ASTN2: variants seen among roughly 807,000 people sequenced by gnomAD.
ASTN2 encodes astrotactin-2.
ASTN2 carries 54 observed loss-of-function variants against 139.8 expected under a neutral mutation model. The observed-to-expected ratio is 0.39, with a 90% confidence interval of 0.31 to 0.48. The LOEUF (loss-of-function observed/expected upper bound fraction) is 0.48, where lower values mean the gene tolerates loss of function less well. ASTN2 is among the 20% of genes least tolerant of loss of function. ASTN2 has a pLI of 0.95. For synonymous variants in ASTN2, 756 were observed against 719.5 expected (o/e 1.05, Z -0.81); for missense variants, 1,565 against 1,725.1 (o/e 0.91, Z 1.64).
At position 117,291,316 on chromosome 9, in the gene ASTN2, C is replaced by T. The variant is rs756501279; in HGVS notation, c.630+10G>A. 2 of 1,613,830 alleles carry T rather than the reference C, an allele frequency of 1.2e-6. No homozygotes were observed. Among genetic ancestry groups the T allele is most frequent in the East Asian group, 2.2e-5 (1 of 44,836 alleles). On this transcript the variant is annotated intron_variant, in intron 2 of 22. Transcript: ENST00000313400. ...ATCCCCGACCCCGGTCACATCCCCC[C>T]ATCACTCACCATCACAGAAATGTGG...
intron 5 of ASTN2, among the ~76,000 whole-genome samples, chr9:117,058,046 G>A (rs1036644347): frequency 1.3e-5 from 2 of 152,162 alleles, no homozygotes; most frequent in Non-Finnish European, 2.9e-5. Context: ...ATTTAGCAAA[G>A]TATTATAACC....
chr9:117,306,370 G>A (rs1834998579), intron 1 of ASTN2, among the ~76,000 whole-genome samples: 2 of 152,152 alleles, frequency 1.3e-5, no homozygotes, highest in African/African-American at 4.8e-5. Flanking sequence ...AGGTTACATA[G>A]CAAGTCAGGG....
chr9:117,194,070 A>G (rs2132975428), intron 3 of ASTN2, among the ~76,000 whole-genome samples: 1 of 152,346 alleles, frequency 6.6e-6, no homozygotes, highest in African/African-American at 2.4e-5. Flanking sequence ...AGCACATTTC[A>G]TAAGAGCAAA....
chr9:116,630,054 G>T (rs1411423402), intron 17 of ASTN2, among the ~76,000 whole-genome samples: 1 of 152,098 alleles, frequency 6.6e-6, no homozygotes, highest in Admixed American at 6.6e-5. Flanking sequence ...AAAAATAACA[G>T]TGAGCATTTT....
At chr9:116,534,325 T>C (rs557061564) in intron 19 of ASTN2, among the ~76,000 whole-genome samples, 5 of 152,336 alleles carry the variant, frequency 3.3e-5, no homozygotes, top group South Asian at 4.1e-4. Flanking sequence ...CCTGGATTCA[T>C]TGATTTTTCG....
At chr9:117,384,848 G>A (rs1306234814) in intron 1 of ASTN2, among the ~76,000 whole-genome samples, 2 of 152,176 alleles carry the variant, frequency 1.3e-5, no homozygotes, top group African/African-American at 4.8e-5. Context: ...TTGGATGAAG[G>A]GGTGGAAGGG....
chr9:116,992,289 C>A (rs914596748), intron 7 of ASTN2, among the ~76,000 whole-genome samples: 4 of 152,154 alleles, frequency 2.6e-5, no homozygotes, highest in African/African-American at 9.7e-5. Flanking sequence ...TAGAAGGAAG[C>A]CTTGGGCCAG....
intron 16 of ASTN2, among the ~76,000 whole-genome samples, chr9:116,702,857 G>A (rs1366970852): frequency 1.3e-5 from 2 of 152,122 alleles, no homozygotes; most frequent in South Asian, 2.1e-4. Flanking sequence ...TGTACACTCC[G>A]GACTTGAGTC....
At chr9:117,016,619 T>TA (rs1564385801) in intron 6 of ASTN2, among the ~76,000 whole-genome samples, 1 of 3,244 alleles carries the variant, frequency 3.1e-4, no homozygotes, top group Non-Finnish European at 6.8e-4. Context: ...TCTATATCTA[T>TA]CTATCTATAT....
At chr9:116,829,373 C>G (rs1468773768) in intron 11 of ASTN2, among the ~76,000 whole-genome samples, 1 of 151,364 alleles carries the variant, frequency 6.6e-6, no homozygotes, top group African/African-American at 2.4e-5. Context: ...ACCAAATGAT[C>G]TTTGACAAAG....
intron 10 of ASTN2, among the ~76,000 whole-genome samples, chr9:116,935,813 C>T (rs552047311): frequency 1.1e-4 from 17 of 152,202 alleles, no homozygotes; most frequent in Middle Eastern, 3.4e-3. Flanking sequence ...TTGTTTAGTA[C>T]GATTTATGTT....
Position 117,055,832 on chromosome 9 carries a change from A to G in ASTN2, c.1277-15867T>C, listed in dbSNP as rs530125446. Among the ~76,000 whole-genome samples, 14 of 152,354 alleles carry G rather than the reference A, an allele frequency of 9.2e-5. No individual in the cohort carries two copies. In the East Asian group the frequency reaches 1.9e-3, roughly 21 times the overall value. On this transcript the variant is annotated intron_variant, in intron 5 of 22. Coordinates refer to ENST00000313400, the MANE Select transcript of ASTN2 (RefSeq NM_001365068.1). ...CTTCCTGGTATCCTTGTCCTTGTGT[A>G]AACCCTAGTGACTTGCATATATCCA...
chr9:117,293,124 A>G (rs1834636639), intron 1 of ASTN2, among the ~76,000 whole-genome samples: 1 of 152,118 alleles, frequency 6.6e-6, no homozygotes, highest in African/African-American at 2.4e-5. Context: ...ACAAACCATG[A>G]GCCATCCTTG....
chr9:117,145,732 C>T (rs1382263359), intron 3 of ASTN2, among the ~76,000 whole-genome samples: 1 of 152,170 alleles, frequency 6.6e-6, no homozygotes, highest in African/African-American at 2.4e-5. Context: ...TAAATAGCCA[C>T]TTCATTGAAT....
At chr9:116,795,849 A>G (rs1012938197) in intron 13 of ASTN2, among the ~76,000 whole-genome samples, 12 of 152,326 alleles carry the variant, frequency 7.9e-5, no homozygotes, top group Admixed American at 3.9e-4. Flanking sequence ...AAAGCTCTTC[A>G]GGGTTATTTT....
chr9:116,733,652 G>T, intron 13 of ASTN2, 129 bp from the exon 14 acceptor site: 1 of 1,211,324 alleles, frequency 8.3e-7, no homozygotes. Flanking sequence ...TAATGCCTCT[G>T]GTTTCCTGAA....
At chr9:116,563,135 G>A (rs1588006877) in intron 19 of ASTN2, among the ~76,000 whole-genome samples, 1 of 152,204 alleles carries the variant, frequency 6.6e-6, no homozygotes, top group South Asian at 2.1e-4. Context: ...CAGCACTTTG[G>A]GAGGCCGAGG....
intron 1 of ASTN2, among the ~76,000 whole-genome samples, chr9:117,322,180 C>T (rs1384171629): frequency 2.0e-5 from 3 of 152,096 alleles, no homozygotes; most frequent in African/African-American, 7.2e-5. Flanking sequence ...GAGATAGACC[C>T]CTCCTCTGTT....
chr9:116,898,813 C>T (rs553260075), intron 10 of ASTN2, among the ~76,000 whole-genome samples: 89 of 152,258 alleles, frequency 5.8e-4, no homozygotes, highest in African/African-American at 1.9e-3. Context: ...AGACTAAAGG[C>T]ATGTGCCACC....
Sources: gnomAD v4.1 joint callset for allele counts (sites outside exome capture counted in the v4.1 genomes callset) on GRCh38, gnomAD v4.1.1 for gene constraint, MANE v1.5 for transcripts, NCBI Gene and HGNC (gene_info 2026-07-23, HGNC 2026-07-21) for gene names.